The following PLAAT3 variants were observed in gnomAD, a reference collection of about 807,000 sequenced individuals.
PLAAT3 encodes phospholipase A and acyltransferase 3.
In PLAAT3, 21 loss-of-function variants were observed where a neutral mutation model predicts 16.7. The ratio of observed to expected loss-of-function variants is 1.26; its 90% CI spans 0.89 to 1.81. The LOEUF is 1.81. Among genes scored for constraint, PLAAT3 ranks in the 40% most tolerant of loss-of-function variants. PLAAT3 has a pLI of 0.00. For synonymous variants in PLAAT3, 76 were observed against 81.7 expected (o/e 0.93, Z 0.38); for missense variants, 219 against 213.7 (o/e 1.02, Z -0.16).
Position 63,598,150 on chromosome 11 carries a change from G to A in PLAAT3, c.29C>T (p.Pro10Leu). 1 of 1,613,616 alleles carries A rather than the reference G, an allele frequency of 6.2e-7. No individual in the cohort carries two copies. The highest frequency in any genetic ancestry group is 8.5e-7 in the Non-Finnish European group (1 of 1,179,496). The change falls in exon 3 of 5, where the codon CCT becomes CTT. Residue 10 changes from proline to leucine, a missense_variant. Pro to Leu is a moderately conservative substitution (Grantham distance 98). Transcript: ENST00000415826. ...GCGAAAAATCTCAATCAGGTCTCCA[G>A]GCTTAGGCTCTGGCTGCAAAACCAA... is the stretch of plus-strand genomic sequence containing the variant. MRAPIPEPK[P>L]GDLIEIFRPF...
intron 2 of PLAAT3, among the ~76,000 whole-genome samples, chr11:63,600,795 G>A (rs1435708940): frequency 6.6e-6 from 1 of 151,180 alleles, no homozygotes; most frequent in East Asian, 2.0e-4. Flanking sequence ...GTAGAGATGG[G>A]GTTTCACCAT....
intron 2 of PLAAT3, among the ~76,000 whole-genome samples, chr11:63,607,487 C>A (rs1477914495): frequency 1.3e-5 from 2 of 151,302 alleles, no homozygotes; most frequent in Admixed American, 6.6e-5. Flanking sequence ...ATGTGAGACC[C>A]CATCTCTAAA....
At chr11:63,577,872 G>T (rs1375179645) in intron 4 of PLAAT3, among the ~76,000 whole-genome samples, 1 of 152,046 alleles carries the variant, frequency 6.6e-6, no homozygotes, top group Non-Finnish European at 1.5e-5. Context: ...AAATAAAAAT[G>T]TGAAAAAACA....
intron 4 of PLAAT3, among the ~76,000 whole-genome samples, chr11:63,580,386 TG>T (rs1343441355): frequency 6.6e-6 from 1 of 152,240 alleles, no homozygotes; most frequent in Non-Finnish European, 1.5e-5. Context: ...CCAGGTGTGG[TG>T]GCTCACGCCT....
At chr11:63,595,186 G>C (rs577277235) in intron 3 of PLAAT3, among the ~76,000 whole-genome samples, 2 of 151,318 alleles carry the variant, frequency 1.3e-5, no homozygotes, top group South Asian at 4.2e-4. Context: ...AGCTACTCCA[G>C]AGGCTGAGGC....
chr11:63,591,476 C>T (rs1398181057), intron 3 of PLAAT3, among the ~76,000 whole-genome samples: 1 of 152,232 alleles, frequency 6.6e-6, no homozygotes, highest in African/African-American at 2.4e-5. Context: ...TCACTCTCCT[C>T]AAACAGCCAC....
At chr11:63,586,271 C>A (rs1937975292) in intron 4 of PLAAT3, among the ~76,000 whole-genome samples, 1 of 152,120 alleles carries the variant, frequency 6.6e-6, no homozygotes, top group Admixed American at 6.5e-5. Context: ...GTAGTTGGGA[C>A]TGCAGGTGCC....
upstream of PLAAT3, chr11:63,614,468 C>G (rs1938782768): frequency 6.3e-6 from 1 of 158,408 alleles, no homozygotes; most frequent in Non-Finnish European, 1.4e-5. Flanking sequence ...GTGAGGTCAC[C>G]CGGCCCCTCC....
At chr11:63,585,502 C>T (rs986836310) in intron 4 of PLAAT3, among the ~76,000 whole-genome samples, 3 of 151,964 alleles carry the variant, frequency 2.0e-5, no homozygotes, top group African/African-American at 7.3e-5. Context: ...AGGGATGCTG[C>T]TAAGCATCCT....
At chr11:63,601,375 T>A (rs1467885240) in intron 2 of PLAAT3, among the ~76,000 whole-genome samples, 1 of 147,498 alleles carries the variant, frequency 6.8e-6, no homozygotes, top group Non-Finnish European at 1.5e-5. Context: ...ATTTACAGTT[T>A]AGAAGGGAAA....
At chr11:63,579,316 G>A (rs1303107257) in intron 4 of PLAAT3, among the ~76,000 whole-genome samples, 2 of 152,192 alleles carry the variant, frequency 1.3e-5, no homozygotes, top group African/African-American at 2.4e-5. Context: ...TCAGTGTGGC[G>A]ATTCCTCAGG....
intron 2 of PLAAT3, among the ~76,000 whole-genome samples, chr11:63,611,500 C>T (rs540388504): frequency 6.6e-6 from 1 of 152,310 alleles, no homozygotes; most frequent in South Asian, 2.1e-4. Flanking sequence ...CTTTTGTCTT[C>T]TACAAGTTAA....
chr11:63,606,998 G>A (rs541637505), intron 2 of PLAAT3, among the ~76,000 whole-genome samples: 2 of 152,288 alleles, frequency 1.3e-5, no homozygotes, highest in East Asian at 3.9e-4. Flanking sequence ...GAGGAGGCGG[G>A]AGCCTGCTAG....
intron 2 of PLAAT3, among the ~76,000 whole-genome samples, chr11:63,611,263 G>A (rs995272460): frequency 2.0e-5 from 3 of 152,058 alleles, no homozygotes; most frequent in Admixed American, 2.0e-4. Flanking sequence ...TGAACCACAC[G>A]TCTGGCCCAA....
rs1274984068 is a variant in PLAAT3 at position 63,598,155 on chromosome 11, A to G, written c.24T>C (p.Pro8=). 13 of 1,612,984 alleles carry G rather than the reference A, an allele frequency of 8.1e-6. No homozygotes were observed. The highest frequency in any genetic ancestry group is 1.1e-5 in the Non-Finnish European group (13 of 1,178,920). MRAPIPE[P]KPGDLIEIFR... ...AAATCTCAATCAGGTCTCCAGGCTT[A>G]GGCTCTGGCTGCAAAACCAAGAACA... The change falls in exon 3 of 5, where the codon CCT becomes CCC. Residue 8 remains proline, a synonymous_variant. Coordinates refer to ENST00000415826, the MANE Select transcript of PLAAT3 (RefSeq NM_001128203.2).
At chr11:63,602,446 G>A (rs1938457123) in intron 2 of PLAAT3, among the ~76,000 whole-genome samples, 1 of 151,832 alleles carries the variant, frequency 6.6e-6, no homozygotes, top group Non-Finnish European at 1.5e-5. Context: ...CATTATACAC[G>A]TCACCCATCT....
rs547052656 is a variant in PLAAT3, at chr11:63,596,219, G to A, written c.118+1842C>T. ...CGCGCCACTACACTCCAGCCTGGGCGACAGAGCGAGACTCTGTCAAAAAAA... is the reference window on the plus strand; with the variant it reads ...CGCGCCACTACACTCCAGCCTGGGCAACAGAGCGAGACTCTGTCAAAAAAA... On this transcript the variant is annotated intron_variant, in intron 3 of 4. Coordinates refer to ENST00000415826, the MANE Select transcript of PLAAT3 (RefSeq NM_001128203.2). Among the ~76,000 whole-genome samples, 272 of 126,582 alleles carry A rather than the reference G, an allele frequency of 2.1e-3. 2 individuals carry two copies. The highest frequency in any genetic ancestry group is 7.4e-3 in the African/African-American group (241 of 32,738). 83.0% of individuals were successfully genotyped at this position (126,582 alleles called of 152,430 possible).
intron 4 of PLAAT3, among the ~76,000 whole-genome samples, chr11:63,575,436 G>T (rs1174978023): frequency 6.6e-6 from 1 of 152,232 alleles, no homozygotes; most frequent in African/African-American, 2.4e-5. Context: ...TGAGTAGTCA[G>T]TAACCTGTGA....
At chr11:63,591,928 T>C (rs1938163860) in intron 3 of PLAAT3, among the ~76,000 whole-genome samples, 1 of 152,020 alleles carries the variant, frequency 6.6e-6, no homozygotes, top group South Asian at 2.1e-4. Flanking sequence ...CTCAGGGCCA[T>C]GCAAGTGCAG....
Sources: allele counts gnomAD v4.1 joint callset (sites outside exome capture counted in the v4.1 genomes callset), GRCh38; gene constraint gnomAD v4.1.1; transcripts MANE v1.5; gene names NCBI Gene and HGNC (gene_info 2026-07-23, HGNC 2026-07-21).